The following MAST4 variants were observed in gnomAD, a reference collection of about 807,000 sequenced individuals.
MAST4 encodes microtubule-associated serine/threonine-protein kinase 4.
MAST4 carries 89 observed loss-of-function variants against 162.7 expected under a neutral mutation model. That is an observed-to-expected ratio of 0.55 (90% confidence interval 0.46 to 0.65). The LOEUF (loss-of-function observed/expected upper bound fraction) is 0.65, where lower values mean the gene tolerates loss of function less well. Among genes scored for constraint, MAST4 ranks in the 30% least tolerant of loss-of-function variants. The pLI is 0.00. For synonymous variants in MAST4, 1,479 were observed against 1,361.1 expected, an observed-to-expected ratio of 1.09 and a Z score of -1.91; for missense variants, 3,153 against 3,374.0, an observed-to-expected ratio of 0.93 and a Z score of 1.62.
At chr5:67,003,311 T>C (rs556724452) in intron 4 of MAST4, among the ~76,000 whole-genome samples, 9 of 152,158 alleles carry the variant, frequency 5.9e-5, no homozygotes, top group Non-Finnish European at 1.3e-4. Flanking sequence ...TCTGTAAGAA[T>C]GTGAGGAGAT....
At chr5:66,992,498 A>G (rs1404183001) in intron 4 of MAST4, among the ~76,000 whole-genome samples, 1 of 152,168 alleles carries the variant, frequency 6.6e-6, no homozygotes, top group African/African-American at 2.4e-5. Flanking sequence ...CCCATCACCT[A>G]TACCTTGCAC....
intron 3 of MAST4, among the ~76,000 whole-genome samples, chr5:66,846,647 G>T (rs1758877749): frequency 6.6e-6 from 1 of 152,116 alleles, no homozygotes; most frequent in South Asian, 2.1e-4. Context: ...AAAATTTCTG[G>T]AACATTCTCT....
At chr5:66,865,794 G>T (rs1429830476) in intron 3 of MAST4, among the ~76,000 whole-genome samples, 1 of 152,098 alleles carries the variant, frequency 6.6e-6, no homozygotes, top group African/African-American at 2.4e-5. Context: ...CTGGAAATAG[G>T]CCAGGTGCGG....
chr5:66,712,563 T>C (rs74466753), intron 1 of MAST4, among the ~76,000 whole-genome samples: 3,741 of 152,272 alleles, frequency 0.025, 174 homozygotes, highest in African/African-American at 0.085. Context: ...ACATTAAAGG[T>C]CTTAATCTTG....
At position 66,703,160 on chromosome 5, in the gene MAST4, G is replaced by T. The variant is rs80343313; in HGVS notation, c.364-56549G>T. ...GTTCCTCATGTGGGGAGGGGAGTAG[G>T]GGGTAGGAGGCTCTCAGCTTCTCAA... On this transcript the variant is annotated intron_variant, in intron 1 of 28. Coordinates refer to ENST00000403625, the MANE Select transcript of MAST4 (RefSeq NM_001164664.2). 3.0e-4 allele frequency among the ~76,000 whole-genome samples: 45 copies of T among 152,046 alleles called. 1 individual carries two copies. Among genetic ancestry groups the T allele is most frequent in the African/African-American group, 1.0e-3 (43 of 41,398 alleles).
intron 4 of MAST4, among the ~76,000 whole-genome samples, chr5:66,994,114 T>C (rs1270867072): frequency 1.3e-5 from 2 of 152,114 alleles, no homozygotes; most frequent in African/African-American, 4.8e-5. Context: ...TGGTTTCACA[T>C]TGACAGTGAG....
chr5:66,775,600 T>G (rs1159448502), intron 2 of MAST4, among the ~76,000 whole-genome samples: 2 of 152,192 alleles, frequency 1.3e-5, no homozygotes, highest in East Asian at 1.9e-4. Context: ...GTGAAGCAAT[T>G]GGCGGTTTGT....
At chr5:67,087,158 A>C (rs1763330214) in intron 5 of MAST4, among the ~76,000 whole-genome samples, 1 of 151,936 alleles carries the variant, frequency 6.6e-6, no homozygotes, top group African/African-American at 2.4e-5. Context: ...CCACGACTCC[A>C]TTTCTCTCCC....
chr5:66,745,103 A>G (rs1258163110), intron 1 of MAST4, among the ~76,000 whole-genome samples: 1 of 152,170 alleles, frequency 6.6e-6, no homozygotes, highest in Non-Finnish European at 1.5e-5. Context: ...AGTAGGATAT[A>G]ATTATCCTTA....
At chr5:66,917,168 A>C (rs1304864677) in intron 4 of MAST4, 4 of 541,492 alleles carry the variant, frequency 7.4e-6, no homozygotes, top group Non-Finnish European at 1.3e-5. Flanking sequence ...CCTGGTCATT[A>C]CTTTAAATTG....
intron 5 of MAST4, among the ~76,000 whole-genome samples, chr5:67,089,153 T>C (rs182649172): frequency 1.2e-4 from 19 of 152,354 alleles, no homozygotes; most frequent in African/African-American, 3.6e-4. Context: ...TTCCTTTTTC[T>C]AGAAGGTACA....
At chr5:67,135,398 C>T (rs1415623893) in intron 18 of MAST4, among the ~76,000 whole-genome samples, 1 of 152,170 alleles carries the variant, frequency 6.6e-6, no homozygotes, top group Non-Finnish European at 1.5e-5. Flanking sequence ...CTGGAACATA[C>T]ATCAGAAAGG....
At chr5:67,049,006 C>CATATATATATATACGTATATATATAT (rs1757725293) in intron 4 of MAST4, among the ~76,000 whole-genome samples, 1 of 120,728 alleles carries the variant, frequency 8.3e-6, no homozygotes, top group African/African-American at 3.6e-5. Context: ...TATATACACA[C>CATATATATATATACGTATATATATAT]ACATATATAT....
intron 1 of MAST4, among the ~76,000 whole-genome samples, chr5:66,705,864 A>C (rs536903428): frequency 6.6e-6 from 1 of 152,162 alleles, no homozygotes; most frequent in Admixed American, 6.5e-5. Flanking sequence ...GATGGTATGT[A>C]TGTTATTTTG....
chr5:66,772,871 G>A (rs952456590), intron 2 of MAST4, among the ~76,000 whole-genome samples: 1 of 152,148 alleles, frequency 6.6e-6, no homozygotes, highest in African/African-American at 2.4e-5. Context: ...AGCTACCATG[G>A]TGAGGGAGGG....
At chr5:67,092,200 A>G (rs1763939604) in intron 6 of MAST4, among the ~76,000 whole-genome samples, 2 of 152,176 alleles carry the variant, frequency 1.3e-5, no homozygotes, top group South Asian at 2.1e-4. Flanking sequence ...ATTTAGTCCA[A>G]TTGAGGAAAT....
intron 5 of MAST4, among the ~76,000 whole-genome samples, chr5:67,088,206 T>A (rs1471301947): frequency 6.6e-6 from 1 of 152,212 alleles, no homozygotes; most frequent in East Asian, 1.9e-4. Flanking sequence ...ATTGTTCTAG[T>A]TGATCACGTT....
intron 1 of MAST4, among the ~76,000 whole-genome samples, chr5:66,716,561 A>G (rs1183892482): frequency 2.0e-5 from 3 of 150,420 alleles, no homozygotes; most frequent in African/African-American, 4.9e-5. Flanking sequence ...GGGTCTCCCT[A>G]TATTACCCAG....
At chr5:67,102,679 G>C (rs1236229302) in intron 9 of MAST4, 68 bp downstream of exon 9, 1 of 1,306,788 alleles carries the variant, frequency 7.7e-7, no homozygotes, top group Admixed American at 1.7e-5. Flanking sequence ...AGTCTGTAAG[G>C]TTGTTTTGTT....
Sources: gnomAD v4.1 joint callset for allele counts (sites outside exome capture counted in the v4.1 genomes callset) on GRCh38, gnomAD v4.1.1 for gene constraint, MANE v1.5 for transcripts, NCBI Gene and HGNC (gene_info 2026-07-23, HGNC 2026-07-21) for gene names.